The following MED22 variants were observed in gnomAD, a reference collection of about 807,000 sequenced individuals.
MED22 encodes mediator complex subunit 22.
A neutral mutation model predicts 22.7 loss-of-function variants in MED22; 22 were observed. That is an observed-to-expected ratio of 0.97 (90% confidence interval 0.69 to 1.38). MED22 has a LOEUF of 1.38. Ranked by LOEUF, MED22 falls within the 40% of genes most tolerant of loss-of-function variation. The pLI is 0.00. For missense variants in MED22, 247 were observed against 263.0 expected (o/e 0.94, Z 0.42); for synonymous variants, 134 against 119.4 (o/e 1.12, Z -0.80).
intron 4 of MED22, chr9:133,343,563 C>T (rs2119062073): frequency 8.1e-7 from 1 of 1,241,566 alleles, no homozygotes; most frequent in East Asian, 3.1e-5. Flanking sequence ...CTGAGTGGGT[C>T]ACGAATTGGA....
Position 133,346,180 on chromosome 9 carries a change from C to T in MED22, c.123+360G>A, listed in dbSNP as rs1019111618. ...CAGGCTTGCAGGCCCCAGTGCTGAC[C>T]GCTCCACCTGCCTGGAGGCCCCCCC... On this transcript the variant is annotated intron_variant, in intron 2 of 4. Coordinates refer to ENST00000343730, the MANE Select transcript of MED22 (RefSeq NM_133640.5). Among the ~76,000 whole-genome samples, 9 of 152,272 alleles carry T rather than the reference C, an allele frequency of 5.9e-5. No individual in the cohort carries two copies. In the South Asian group the frequency reaches 6.2e-4, roughly 11 times the overall value.
chr9:133,341,603 G>A lies in MED22; in HGVS notation c.505C>T (p.Pro169Ser), dbSNP rs2129949501. The A allele has an allele frequency of 3.1e-6, 5 of 1,589,568 alleles. No homozygotes were observed. The highest frequency in any genetic ancestry group is 1.1e-5 in the South Asian group (1 of 87,402). Reference sequence around the variant, plus strand: ...CTGGGCTCCGGGGACGCCAGCAGAGGGGCCGAGAGGCCATCAGCAGAGTCT... The same window carrying A: ...CTGGGCTCCGGGGACGCCAGCAGAGAGGCCGAGAGGCCATCAGCAGAGTCT... ...DTDSADGLSAPLLASPEPSAG... is the reference protein window; with the variant it reads ...DTDSADGLSASLLASPEPSAG... Residue 169 changes from proline (P) to serine (S), a missense_variant, in exon 5 of 5, where the codon CCT (proline) becomes TCT (serine). By Grantham distance (74) the Pro-to-Ser change is moderately conservative. Transcript: ENST00000343730.
intron 4 of MED22, chr9:133,342,790 C>A (rs1352371338): frequency 1.1e-5 from 11 of 985,600 alleles, no homozygotes; most frequent in Non-Finnish European, 1.3e-5. Flanking sequence ...TGGGGGAGGG[C>A]ATGGGAAGCC....
In MED22 at chr9:133,345,158, C is replaced by T. The variant is rs782027588; in HGVS notation, c.204+14G>A. 1 of 1,613,338 alleles carries T rather than the reference C, an allele frequency of 6.2e-7. No individual in the cohort carries two copies. Among genetic ancestry groups the T allele is most frequent in the African/African-American group, 1.3e-5 (1 of 74,918 alleles). ...CTTGGAGCCCAGGCCGTGCCCTCCA[C>T]CCTGGCCACTCACGATGTTGGCGGC... is the stretch of plus-strand genomic sequence containing the variant. On this transcript the variant is annotated intron_variant, in intron 3 of 4. Coordinates refer to ENST00000343730, the MANE Select transcript of MED22 (RefSeq NM_133640.5).
chr9:133,341,824 C>T, intron 4 of MED22, 130 bp from the exon 5 acceptor site: 1 of 1,431,324 alleles, frequency 7.0e-7, no homozygotes, highest in Non-Finnish European at 9.1e-7. Flanking sequence ...TCCCTTTCTC[C>T]ACTCCTGCTC....
At chr9:133,347,390 C>G (rs1274752745) in intron 1 of MED22, 1 of 139,206 alleles carries the variant, frequency 7.2e-6, no homozygotes, top group African/African-American at 2.5e-5. Flanking sequence ...ATGGCAGGCG[C>G]CTGTAATCCC....
intron 1 of MED22, among the ~76,000 whole-genome samples, 189 bp from the exon 2 acceptor site, chr9:133,346,889 G>T (rs1000171207): frequency 6.6e-6 from 1 of 152,154 alleles, no homozygotes; most frequent in African/African-American, 2.4e-5. Flanking sequence ...CCCCGCCTTT[G>T]CCAGAGCAAG....
intron 4 of MED22, chr9:133,343,923 G>A: frequency 7.0e-7 from 1 of 1,435,700 alleles, no homozygotes; most frequent in Non-Finnish European, 9.1e-7. Flanking sequence ...TTGCACTGTG[G>A]GAAAGGCCCA....
intron 4 of MED22, chr9:133,342,970 G>C: frequency 1.0e-6 from 1 of 985,892 alleles, no homozygotes; most frequent in Non-Finnish European, 1.2e-6. Flanking sequence ...AAACTGAACA[G>C]CTGTGGAAGG....
Position 133,348,095 on chromosome 9 carries a change from C to A in MED22, c.-212G>T, listed in dbSNP as rs2129976179. 2,022 of 1,177,508 alleles carry A rather than the reference C, an allele frequency of 1.7e-3. 4 individuals are homozygous for A. Among genetic ancestry groups the A allele is most frequent in the Non-Finnish European group, 2.3e-3 (1,832 of 797,142 alleles). The allele number at this position is 1,177,508 out of a possible 1,614,324, so 72.9% of individuals were successfully genotyped here. ...CGAAAACCTAGTCAGCCGCCGCAGC[C>A]TCTCGGCCCCGCCTCGATTTTTAGC... On this transcript the variant is annotated 5_prime_UTR_variant, in exon 1 of 5. The change creates a new upstream start codon in the 5' untranslated region. Transcript: ENST00000343730.
Position 133,341,578 on chromosome 9 carries a change from C to G in MED22, c.530G>C (p.Ser177Thr), listed in dbSNP as rs1463706665. Residue 177 changes from serine to threonine, a missense_variant, in exon 5 of 5, where the codon AGT becomes ACT. Transcript: ENST00000343730. ...GGCTGCCACCTGTAGGGGGCCAGCA[C>G]TGGGCTCCGGGGACGCCAGCAGAGG... ...SAPLLASPEPSAGPLQVAAPA... is the reference protein window; with the variant it reads ...SAPLLASPEPTAGPLQVAAPA... 6.3e-6 allele frequency: 10 copies of G among 1,578,746 alleles called. 1 individual carries two copies. The highest frequency in any genetic ancestry group is 2.3e-5 in the South Asian group (2 of 85,852).
chr9:133,343,396 C>T (rs2129956565), intron 4 of MED22: 1 of 1,227,316 alleles, frequency 8.1e-7, no homozygotes, highest in Non-Finnish European at 1.0e-6. Context: ...GATACGTAGA[C>T]TCTGATTTCT....
intron 2 of MED22, chr9:133,346,271 T>G (rs1836176887): frequency 2.3e-6 from 1 of 440,660 alleles, no homozygotes; most frequent in East Asian, 4.5e-5. Flanking sequence ...GAGGTAACTG[T>G]TTTACACAGA....
In MED22 at chr9:133,344,253, G is replaced by A. The variant is rs201381058; in HGVS notation, c.285C>T (p.Asn95=). Residue 95 remains asparagine (N), a synonymous_variant, in exon 4 of 5, where the codon AAC becomes AAT. Coordinates refer to ENST00000343730, the MANE Select transcript of MED22 (RefSeq NM_133640.5). ...GCTGGTTGCGCTGGTCAATGGCCTC[G>A]TTCACGGAGGGGAAGTCATTGAGGA... ...FLILNDFPSV[N]EAIDQRNQQL... 143 of 1,614,228 alleles carry A rather than the reference G, an allele frequency of 8.9e-5. No individual in the cohort carries two copies. The highest frequency in any genetic ancestry group is 2.2e-5 in the East Asian group (1 of 44,892).
intron 2 of MED22, 89 bp downstream of exon 2, chr9:133,346,451 C>T: frequency 6.5e-7 from 1 of 1,537,102 alleles, no homozygotes; most frequent in Non-Finnish European, 8.9e-7. Context: ...GCCTAGAACA[C>T]TATTCACTCG....
At chr9:133,343,029 T>G in intron 4 of MED22, 1 of 987,004 alleles carries the variant, frequency 1.0e-6, no homozygotes, top group Non-Finnish European at 1.2e-6. Flanking sequence ...TCAGCCACCC[T>G]AGTGTGGAGG....
rs1330934554 is a variant in MED22 at position 133,338,722 on chromosome 9, G to A, written c.*2783C>T. On this transcript the variant is annotated 3_prime_UTR_variant, in exon 5 of 5. Coordinates refer to ENST00000343730, the MANE Select transcript of MED22 (RefSeq NM_133640.5). ...CTCCCAAAGTGCTGGGGTTGCAGGC[G>A]TAAGCCACCGCGCCCGGCCGATTTC... 9.8e-6 allele frequency: 3 copies of A among 306,572 alleles called. No individual in the cohort carries two copies. Among genetic ancestry groups the A allele is most frequent in the African/African-American group, 2.2e-5 (1 of 45,982 alleles). The allele number at this position is 306,572 out of a possible 1,614,324, so 19.0% of individuals were successfully genotyped here.
In MED22 at chr9:133,345,312, C is replaced by G. The variant is rs2129964916; in HGVS notation, c.124-60G>C. On this transcript the variant is annotated intron_variant, in intron 2 of 4. Transcript: ENST00000343730. ...AGCCAAGGCATCCCCACCCCTGGCC[C>G]GGCCCAGCCCAGCTTACGGTAACTG... 3.3e-6 allele frequency: 5 copies of G among 1,522,976 alleles called. No homozygotes were observed. The East Asian group carries it at 1.1e-4, about 35-fold the overall frequency. 94.3% of individuals were successfully genotyped at this position (1,522,976 alleles called of 1,614,324 possible).
rs2129941349 is a variant in MED22, at chr9:133,338,715, T to C, written c.*2790A>G. The C allele has an allele frequency of 7.6e-4, 226 of 298,302 alleles. 1 individual carries two copies. Among genetic ancestry groups the C allele is most frequent in the African/African-American group, 4.7e-3 (215 of 45,872 alleles). The allele number at this position is 298,302 out of a possible 1,614,324, so 18.5% of individuals were successfully genotyped here. On this transcript the variant is annotated 3_prime_UTR_variant, in exon 5 of 5. Transcript: ENST00000343730. ...CCTTGGCCTCCCAAAGTGCTGGGGT[T>C]GCAGGCGTAAGCCACCGCGCCCGGC...
Sources: gnomAD v4.1 joint callset for allele counts (sites outside exome capture counted in the v4.1 genomes callset) on GRCh38, gnomAD v4.1.1 for gene constraint, MANE v1.5 for transcripts, NCBI Gene and HGNC (gene_info 2026-07-23, HGNC 2026-07-21) for gene names.